Variants in ROBO2 observed in about 807,000 individuals in gnomAD.
The protein encoded by ROBO2 is roundabout homolog 2.
ROBO2 carries 53 observed loss-of-function variants against 160.8 expected under a neutral mutation model. That is an observed-to-expected ratio of 0.33 (90% CI 0.26 to 0.41). The LOEUF (loss-of-function observed/expected upper bound fraction) is 0.41, where lower values mean the gene tolerates loss of function less well. Among genes scored for constraint, ROBO2 ranks in the 10% least tolerant of loss-of-function variants. The pLI is 1.00. For synonymous variants in ROBO2, 664 were observed against 611.7 expected, an observed-to-expected ratio of 1.09 and a Z score of -1.26; for missense variants, 1,577 against 1,722.4, an observed-to-expected ratio of 0.92 and a Z score of 1.49.
exon 1 of ROBO2, chr3:77,040,649 T>G (rs2063991241): frequency 6.4e-7 from 1 of 1,552,808 alleles, no homozygotes; most frequent in Non-Finnish European, 8.7e-7. Context: ...GATCTTGCGA[T>G]TTGCTCTTCT....
intron 2 of ROBO2, among the ~76,000 whole-genome samples, chr3:76,759,513 G>A (rs1187419927): frequency 6.6e-6 from 1 of 151,590 alleles, no homozygotes. Flanking sequence ...GAAGGTTGGC[G>A]ATATGGCACA....
intron 5 of ROBO2, among the ~76,000 whole-genome samples, chr3:77,509,476 G>T (rs1186915566): frequency 1.3e-5 from 2 of 152,006 alleles, no homozygotes; most frequent in East Asian, 3.9e-4. Flanking sequence ...GTTAGGGGTG[G>T]CTCCTGGGTC....
intron 2 of ROBO2, among the ~76,000 whole-genome samples, chr3:76,360,134 G>C (rs916486419): frequency 6.6e-6 from 1 of 152,002 alleles, no homozygotes. Context: ...TAACTACTTT[G>C]CTCCCTGATG....
intron 2 of ROBO2, among the ~76,000 whole-genome samples, chr3:76,486,864 C>T (rs2079524971): frequency 6.6e-6 from 1 of 152,122 alleles, no homozygotes; most frequent in Admixed American, 6.6e-5. Context: ...CAACATTTTT[C>T]CTATGTGTCC....
intron 2 of ROBO2, among the ~76,000 whole-genome samples, chr3:76,243,315 C>T (rs1232273648): frequency 1.3e-5 from 2 of 152,082 alleles, no homozygotes; most frequent in Admixed American, 6.6e-5. Flanking sequence ...TGCACCCTGT[C>T]CCCCAAAGCC....
intron 2 of ROBO2, among the ~76,000 whole-genome samples, chr3:77,257,200 ATAG>A (rs1328774915): frequency 1.3e-5 from 2 of 152,190 alleles, no homozygotes; most frequent in African/African-American, 2.4e-5. Flanking sequence ...TTAAATACAC[ATAG>A]TATAAAAAAA....
intron 6 of ROBO2, among the ~76,000 whole-genome samples, chr3:77,540,252 C>T (rs534236286): frequency 4.5e-4 from 68 of 152,120 alleles, no homozygotes; most frequent in African/African-American, 1.6e-3. Flanking sequence ...TCAGAAGAAA[C>T]GTAATGTTAT....
intron 2 of ROBO2, among the ~76,000 whole-genome samples, chr3:76,769,846 T>G (rs182108616): frequency 8.7e-4 from 132 of 151,584 alleles, no homozygotes; most frequent in Admixed American, 2.0e-3. Flanking sequence ...AAAGGCCTGC[T>G]TGATAATTTA....
intron 2 of ROBO2, among the ~76,000 whole-genome samples, chr3:77,347,171 C>A (rs2153455416): frequency 6.6e-6 from 1 of 152,170 alleles, no homozygotes; most frequent in Middle Eastern, 3.4e-3. Context: ...CACAAGGAAT[C>A]ATGGAAAGAT....
chr3:76,838,842 T>C (rs924280839), intron 2 of ROBO2, among the ~76,000 whole-genome samples: 1 of 152,106 alleles, frequency 6.6e-6, no homozygotes, highest in African/African-American at 2.4e-5. Context: ...TAAAATATGG[T>C]GGATAAACAT....
chr3:77,022,289 G>A (rs2062686337), intron 2 of ROBO2, among the ~76,000 whole-genome samples: 1 of 152,156 alleles, frequency 6.6e-6, no homozygotes, highest in South Asian at 2.1e-4. Flanking sequence ...ATAATTGCTT[G>A]AACCCATGAC....
chr3:77,602,913 A>T (rs2094461472), intron 20 of ROBO2: 1 of 459,414 alleles, frequency 2.2e-6, no homozygotes, highest in Non-Finnish European at 4.4e-6. Context: ...TGCCACTATG[A>T]CCTCTGCCCT....
At position 77,116,780 on chromosome 3, in the gene ROBO2, AG is replaced by A. The variant is rs573067163; in HGVS notation, c.388+18443del. 3.9e-3 allele frequency among the ~76,000 whole-genome samples: 595 copies of A among 152,230 alleles called. 7 individuals carry two copies. Among genetic ancestry groups the A allele is most frequent in the Middle Eastern group, 0.014 (4 of 294 alleles). On this transcript the variant is annotated intron_variant, in intron 2 of 25. Transcript: ENST00000461745. ...CTTGGCAAGTCTTTCGCCTTAGCCCAGGGCAGCCTTTGGTAAGTTGACCAGT... is the reference window on the plus strand; with the variant it reads ...CTTGGCAAGTCTTTCGCCTTAGCCCAGGCAGCCTTTGGTAAGTTGACCAGT...
chr3:76,968,040 T>G (rs886141496), intron 2 of ROBO2, among the ~76,000 whole-genome samples: 1 of 152,082 alleles, frequency 6.6e-6, no homozygotes, highest in South Asian at 2.1e-4. Flanking sequence ...GTTTGCTTGT[T>G]TATATATATA....
chr3:77,619,139 G>C (rs374302213), intron 22 of ROBO2, among the ~76,000 whole-genome samples: 1 of 152,164 alleles, frequency 6.6e-6, no homozygotes, highest in Non-Finnish European at 1.5e-5. Context: ...GACCACTGCC[G>C]TGGAGATGAA....
chr3:76,547,210 C>T (rs1483043905), intron 2 of ROBO2, among the ~76,000 whole-genome samples: 1 of 151,966 alleles, frequency 6.6e-6, no homozygotes, highest in Middle Eastern at 3.2e-3. Context: ...CTATAATTTA[C>T]TTGTACTAAA....
chr3:76,359,705 ATATAT>A (rs1191475326), intron 2 of ROBO2, among the ~76,000 whole-genome samples: 1 of 151,968 alleles, frequency 6.6e-6, no homozygotes, highest in Non-Finnish European at 1.5e-5. Flanking sequence ...CTTGGTATTC[ATATAT>A]TATATGTCAT....
chr3:75,931,615 A>C (rs1576187880), intron 1 of ROBO2, among the ~76,000 whole-genome samples: 1 of 152,046 alleles, frequency 6.6e-6, no homozygotes, highest in Non-Finnish European at 1.5e-5. Flanking sequence ...GCCTCCCAAA[A>C]TGCTGGGATT....
chr3:76,702,833 C>G (rs184681467), intron 2 of ROBO2, among the ~76,000 whole-genome samples: 22 of 152,012 alleles, frequency 1.4e-4, no homozygotes, highest in African/African-American at 5.1e-4. Flanking sequence ...GAAGGTAAGA[C>G]GAAAGTTGAC....
Sources: gnomAD v4.1 joint callset for allele counts (sites outside exome capture counted in the v4.1 genomes callset) on GRCh38, gnomAD v4.1.1 for gene constraint, MANE v1.5 for transcripts, NCBI Gene and HGNC (gene_info 2026-07-23, HGNC 2026-07-21) for gene names.